The following UTRN variants were observed in gnomAD, a reference collection of about 807,000 sequenced individuals.
UTRN encodes dystrophin-related protein 1.
In UTRN, 283 loss-of-function variants were observed where a neutral mutation model predicts 463.9. The ratio of observed to expected loss-of-function variants is 0.61; its 90% CI spans 0.55 to 0.67. The LOEUF (loss-of-function observed/expected upper bound fraction) is 0.67. Ranked by LOEUF, UTRN falls within the 30% of genes least tolerant of loss-of-function variation. The pLI is 0.00. For synonymous variants in UTRN, 1,442 were observed against 1,431.5 expected (o/e 1.01, Z -0.17); for missense variants, 3,922 against 4,084.3 (o/e 0.96, Z 1.08).
intron 65 of UTRN, among the ~76,000 whole-genome samples, chr6:144,816,138 T>C (rs1779056586): frequency 6.6e-6 from 1 of 152,164 alleles, no homozygotes; most frequent in Non-Finnish European, 1.5e-5. Context: ...GTACCAAAAA[T>C]AGACATTCTG....
At chr6:144,455,829 A>G (rs1026390552) in intron 19 of UTRN, among the ~76,000 whole-genome samples, 10 of 152,162 alleles carry the variant, frequency 6.6e-5, no homozygotes, top group Admixed American at 2.0e-4. Context: ...TTAGCTGACT[A>G]TAGGCTTTGG....
intron 61 of UTRN, among the ~76,000 whole-genome samples, chr6:144,785,779 C>T (rs1776243690): frequency 6.6e-6 from 1 of 152,056 alleles, no homozygotes; most frequent in South Asian, 2.1e-4. Flanking sequence ...GGCAAATGAA[C>T]TAATATATGT....
chr6:144,824,960 T>G (rs554486199), intron 66 of UTRN, among the ~76,000 whole-genome samples: 37 of 152,162 alleles, frequency 2.4e-4, no homozygotes, highest in Non-Finnish European at 1.5e-5. Context: ...ATGTGTTTAT[T>G]TTTTGTGGAG....
intron 27 of UTRN, among the ~76,000 whole-genome samples, chr6:144,483,620 A>AT (rs893084343): frequency 1.0e-3 from 157 of 151,904 alleles, no homozygotes; most frequent in African/African-American, 3.4e-3. Context: ...TTATTTTTAA[A>AT]TTTTTTTTGT....
chr6:144,744,320 ATGTGTG>A (rs757430794), intron 54 of UTRN, among the ~76,000 whole-genome samples: 18 of 95,450 alleles, frequency 1.9e-4, no homozygotes, highest in Non-Finnish European at 3.0e-4. Flanking sequence ...ATATATATAT[ATGTGTG>A]TGTGTGTGTG....
chr6:144,573,017 T>C (rs1265226950), intron 50 of UTRN, among the ~76,000 whole-genome samples: 1 of 152,170 alleles, frequency 6.6e-6, no homozygotes, highest in East Asian at 1.9e-4. Flanking sequence ...CCACCAACAG[T>C]GTAAAAGCAT....
At chr6:144,679,495 G>C (rs1236360557) in intron 52 of UTRN, among the ~76,000 whole-genome samples, 1 of 152,124 alleles carries the variant, frequency 6.6e-6, no homozygotes, top group Non-Finnish European at 1.5e-5. Flanking sequence ...ATTTGACTCT[G>C]ACTTCACTAT....
intron 73 of UTRN, 150 bp downstream of exon 73, chr6:144,840,982 T>C: frequency 1.2e-6 from 1 of 857,398 alleles, no homozygotes; most frequent in Non-Finnish European, 1.7e-6. Flanking sequence ...AAACATTATA[T>C]AAGAAAATGA....
At position 144,426,445 on chromosome 6, in the gene UTRN, C is replaced by A. The variant is rs1477910194; in HGVS notation, c.564C>A (p.Val188=). 1.9e-6 allele frequency: 3 copies of A among 1,613,794 alleles called. No individual in the cohort carries two copies. In the East Asian group the frequency reaches 6.7e-5, roughly 36 times the overall value. ...CAGATGGACTCGCCTTTAATGCTGT[C>A]CTCCACCGACATAAGTGAGACATTA... ...SWTDGLAFNA[V]LHRHKPDLFS... Residue 188 remains valine (V), a synonymous_variant, in exon 7 of 75, where the codon GTC becomes GTA. Transcript: ENST00000367545.
At chr6:144,824,781 G>GC (rs139572529) in intron 66 of UTRN, among the ~76,000 whole-genome samples, 4 of 146,150 alleles carry the variant, frequency 2.7e-5, no homozygotes, top group African/African-American at 1.0e-4. Flanking sequence ...GGTGGGGGGG[G>GC]GTGTCCCCCC....
chr6:144,795,505 C>T (rs1777134729), intron 63 of UTRN, among the ~76,000 whole-genome samples: 1 of 152,148 alleles, frequency 6.6e-6, no homozygotes, highest in Non-Finnish European at 1.5e-5. Flanking sequence ...AAAAGCATTC[C>T]TATTTCTCCA....
Position 144,743,712 on chromosome 6 carries a change from A to C in UTRN, c.7940-4534A>C, listed in dbSNP as rs1790359896. On this transcript the variant is annotated intron_variant, in intron 54 of 74. Transcript: ENST00000367545. ...GAAGTGTATTATAGTCTTCTTCCTC[A>C]TGGTATAAAGGAGAGCGTGGCATAA... 2.0e-5 allele frequency among the ~76,000 whole-genome samples: 3 copies of C among 152,220 alleles called. No individual in the cohort carries two copies. In the South Asian group the frequency reaches 6.2e-4, roughly 32 times the overall value.
At chr6:144,527,917 C>T (rs1236410452) in intron 41 of UTRN, among the ~76,000 whole-genome samples, 2 of 151,888 alleles carry the variant, frequency 1.3e-5, no homozygotes, top group East Asian at 1.9e-4. Flanking sequence ...TTAAGTTGGA[C>T]TTCACCTTTC....
intron 69 of UTRN, among the ~76,000 whole-genome samples, chr6:144,833,367 T>C (rs941578001): frequency 6.6e-5 from 10 of 152,216 alleles, no homozygotes. Context: ...AATAGGAAGC[T>C]AAACCTTTTT....
At chr6:144,604,125 A>T in intron 51 of UTRN, among the ~76,000 whole-genome samples, 1 of 152,202 alleles carries the variant, frequency 6.6e-6, no homozygotes, top group Non-Finnish European at 1.5e-5. Flanking sequence ...TTTCACATCT[A>T]GGCAGTAGAA....
At position 144,461,347 on chromosome 6, in the gene UTRN, C is replaced by T. The variant is rs772100456; in HGVS notation, c.2853+5C>T. 1 of 1,544,474 alleles carries T rather than the reference C, an allele frequency of 6.5e-7. No individual in the cohort carries two copies. Among genetic ancestry groups the T allele is most frequent in the Non-Finnish European group, 8.7e-7 (1 of 1,143,504 alleles). On this transcript the variant is annotated splice_donor_5th_base_variant and intron_variant, in intron 22 of 74. Coordinates refer to ENST00000367545, the MANE Select transcript of UTRN (RefSeq NM_007124.3). ...AAGGCCCTGCAAGAAAAAAAGGTAA[C>T]ATATATCTTCCATGTTAGAACTCTA...
chr6:144,468,062 T>C lies in UTRN; in HGVS notation c.3066+5196T>C, dbSNP rs536140611. Among the ~76,000 whole-genome samples the C allele has an allele frequency of 1.2e-4, 19 of 152,164 alleles. No homozygotes were observed. In the South Asian group the frequency reaches 3.5e-3, roughly 28 times the overall value. On this transcript the variant is annotated intron_variant, in intron 23 of 74. Coordinates refer to ENST00000367545, the MANE Select transcript of UTRN (RefSeq NM_007124.3). ...TTCTGGTCTATGTCTTAAAAAGCTG[T>C]GGACATTCCGACAGATGGGGGAGGA...
rs548007276 is a variant in UTRN, at chr6:144,575,366, C to G, written c.7290-1733C>G. Among the ~76,000 whole-genome samples the G allele has an allele frequency of 2.6e-5, 4 of 152,252 alleles. No individual in the cohort carries two copies. In the East Asian group the frequency reaches 7.7e-4, roughly 29 times the overall value. ...GTTAATATTCCAGACATTTCTCCCTCTATGTATATATACAGATAGAAGGAC... is the reference window on the plus strand; with the variant it reads ...GTTAATATTCCAGACATTTCTCCCTGTATGTATATATACAGATAGAAGGAC... On this transcript the variant is annotated intron_variant, in intron 50 of 74. Coordinates refer to ENST00000367545, the MANE Select transcript of UTRN (RefSeq NM_007124.3).
intron 58 of UTRN, among the ~76,000 whole-genome samples, chr6:144,768,998 G>T: frequency 7.1e-6 from 1 of 140,428 alleles, no homozygotes; most frequent in African/African-American, 2.7e-5. Flanking sequence ...AGATTCCCAT[G>T]GCTGTTGCCT....
Sources: gnomAD v4.1 joint callset for allele counts (sites outside exome capture counted in the v4.1 genomes callset) on GRCh38, gnomAD v4.1.1 for gene constraint, MANE v1.5 for transcripts, NCBI Gene and HGNC (gene_info 2026-07-23, HGNC 2026-07-21) for gene names.